The following GINS2 variants were observed in gnomAD, a reference collection of about 807,000 sequenced individuals.
The protein encoded by GINS2 is DNA replication complex GINS protein PSF2.
Under a neutral mutation model 21.2 loss-of-function variants are expected in GINS2, and 23 were observed. That is an observed-to-expected ratio of 1.08 (90% CI 0.78 to 1.53). The LOEUF is 1.53. Ranked by LOEUF, GINS2 falls within the 40% of genes most tolerant of loss-of-function variation. The probability of loss-of-function intolerance (pLI) is 0.00; values close to 1 mark genes in which losing one functional copy is unlikely to be tolerated. For synonymous variants in GINS2, 118 were observed against 85.6 expected (o/e 1.38, Z -2.09); for missense variants, 323 against 233.9 (o/e 1.38, Z -2.49).
intron 2 of GINS2, among the ~76,000 whole-genome samples, chr16:85,684,814 G>C (rs1426040155): frequency 6.6e-6 from 1 of 151,176 alleles, no homozygotes. Context: ...CTGAGATGGA[G>C]TCTCGCTGTA....
At chr16:85,683,059 G>T (rs2053747616) in intron 2 of GINS2, among the ~76,000 whole-genome samples, 1 of 151,974 alleles carries the variant, frequency 6.6e-6, no homozygotes, top group Non-Finnish European at 1.5e-5. Context: ...CCTTCCAGGT[G>T]TCCTGGACCC....
In GINS2 at chr16:85,688,818, G is replaced by A. The variant is rs1339181878; in HGVS notation, c.81C>T (p.Tyr27=). 3 of 1,535,618 alleles carry A rather than the reference G, an allele frequency of 2.0e-6. No individual in the cohort carries two copies. The highest frequency in any genetic ancestry group is 2.6e-6 in the Non-Finnish European group (3 of 1,138,256). ...CGGGCCCAGGCCTCACCCCGATGAG[G>A]TAGATCTTGTCCAGACTGAAGTTGG... ...IIPNFSLDKI[Y]LIGGDLGPFN... Residue 27 remains tyrosine (Y), a synonymous_variant, in exon 1 of 5, where the codon TAC becomes TAT. Coordinates refer to ENST00000253462, the MANE Select transcript of GINS2 (RefSeq NM_016095.3).
At chr16:85,688,737 G>C (rs1220317441) in intron 1 of GINS2, 72 bp downstream of exon 1, 1 of 877,986 alleles carries the variant, frequency 1.1e-6, no homozygotes. Flanking sequence ...CGACCCCGGG[G>C]CTGAAGGCCA....
At chr16:85,684,381 G>A (rs1221942539) in intron 2 of GINS2, among the ~76,000 whole-genome samples, 1 of 152,142 alleles carries the variant, frequency 6.6e-6, no homozygotes, top group Non-Finnish European at 1.5e-5. Context: ...TGTAGTCCCA[G>A]CTACTAGGGA....
chr16:85,679,681 C>G (rs376029933), intron 3 of GINS2, among the ~76,000 whole-genome samples: 3 of 152,200 alleles, frequency 2.0e-5, no homozygotes, highest in African/African-American at 7.2e-5. Context: ...TTGATAAAAA[C>G]TACATCCATA....
intron 2 of GINS2, among the ~76,000 whole-genome samples, chr16:85,686,275 G>A (rs531857639): frequency 6.7e-4 from 102 of 152,200 alleles, no homozygotes; most frequent in African/African-American, 1.9e-3. Flanking sequence ...AAAATTAGCC[G>A]AGCGTGGTAG....
Position 85,678,781 on chromosome 16 carries a change from G to A in GINS2, c.306-115C>T, listed in dbSNP as rs2053708378. On this transcript the variant is annotated intron_variant, in intron 3 of 4. Coordinates refer to ENST00000253462, the MANE Select transcript of GINS2 (RefSeq NM_016095.3). ...TGGCTATTCCAGACTCAGAAAGTCTGTTTTGCTTTATTTTCAACTTTAGGG... is the reference window on the plus strand; with the variant it reads ...TGGCTATTCCAGACTCAGAAAGTCTATTTTGCTTTATTTTCAACTTTAGGG... The A allele has an allele frequency of 2.1e-5, 21 of 1,021,438 alleles. No homozygotes were observed. In the South Asian group the frequency reaches 2.6e-4, roughly 13 times the overall value. The allele number at this position is 1,021,438 out of a possible 1,614,324, so 63.3% of individuals were successfully genotyped here.
At chr16:85,688,473 G>A (rs2053799066) in intron 1 of GINS2, among the ~76,000 whole-genome samples, 1 of 152,204 alleles carries the variant, frequency 6.6e-6, no homozygotes. Context: ...TTGAACCCGG[G>A]AGGCGGAGGC....
At position 85,676,607 on chromosome 16, in the gene GINS2, ATAAGTCT is replaced by A. The variant is rs1327183413; in HGVS notation, c.*1598_*1604del. The A allele has an allele frequency of 1.3e-5, 2 of 152,248 alleles. No individual in the cohort carries two copies. The highest frequency in any genetic ancestry group is 4.8e-5 in the African/African-American group (2 of 41,454). The allele number at this position is 152,248 out of a possible 1,614,324, so 9.4% of individuals were successfully genotyped here. ...GACACTGGAGGGCAGATGCTGGGTG[ATAAGTCT>A]TTAGGCTCAGCCTGTCACACATGCG... On this transcript the variant is annotated 3_prime_UTR_variant, in exon 5 of 5. Coordinates refer to ENST00000253462, the MANE Select transcript of GINS2 (RefSeq NM_016095.3).
intron 3 of GINS2, among the ~76,000 whole-genome samples, chr16:85,679,897 A>C (rs752329933): frequency 3.9e-5 from 6 of 152,078 alleles, no homozygotes; most frequent in Admixed American, 3.9e-4. Context: ...CTCTGCTCCC[A>C]TGAATGTACT....
In GINS2 at chr16:85,678,680, G is replaced by A. The variant is rs767237377; in HGVS notation, c.306-14C>T. 1 of 1,611,918 alleles carries A rather than the reference G, an allele frequency of 6.2e-7. No homozygotes were observed. The highest frequency in any genetic ancestry group is 8.5e-7 in the Non-Finnish European group (1 of 1,178,740). ...TTGTCTGAAGCACTAAAGGAGCAAGGGCTAAAGTCAGTCGGGGAACACTTG... is the reference window on the plus strand; with the variant it reads ...TTGTCTGAAGCACTAAAGGAGCAAGAGCTAAAGTCAGTCGGGGAACACTTG... On this transcript the variant is annotated splice_polypyrimidine_tract_variant and intron_variant, in intron 3 of 4. Coordinates refer to ENST00000253462, the MANE Select transcript of GINS2 (RefSeq NM_016095.3).
chr16:85,679,044 G>A (rs2053710519), intron 3 of GINS2, among the ~76,000 whole-genome samples: 1 of 152,140 alleles, frequency 6.6e-6, no homozygotes, highest in Non-Finnish European at 1.5e-5. Flanking sequence ...GAGTTCTATT[G>A]CTCCTCATTT....
At chr16:85,678,725 G>A (rs2053707896) in intron 3 of GINS2, 59 bp from the exon 4 acceptor site, 1 of 1,544,172 alleles carries the variant, frequency 6.5e-7, no homozygotes, top group Non-Finnish European at 8.8e-7. Context: ...GGCAATGCTG[G>A]ATAGAGTGGC....
rs1035289198 is a variant in GINS2, at chr16:85,677,493, T to G, written c.*719A>C. ...TTCGTTTTTTTCCTGACTCTCCTCT[T>G]GATAAGCAACCCATTAAACCTGAGC... On this transcript the variant is annotated 3_prime_UTR_variant, in exon 5 of 5. Coordinates refer to ENST00000253462, the MANE Select transcript of GINS2 (RefSeq NM_016095.3). 6.6e-6 allele frequency: 1 copy of G among 152,182 alleles called. No homozygotes were observed. Among genetic ancestry groups the G allele is most frequent in the Admixed American group, 6.5e-5 (1 of 15,280 alleles). The allele number at this position is 152,182 out of a possible 1,614,324, so 9.4% of individuals were successfully genotyped here.
chr16:85,679,308 G>A (rs2053712361), intron 3 of GINS2, among the ~76,000 whole-genome samples: 1 of 152,248 alleles, frequency 6.6e-6, no homozygotes, highest in South Asian at 2.1e-4. Context: ...CTGGCTAGAA[G>A]CTCAAAGCCA....
chr16:85,680,824 G>A (rs1228847829), intron 3 of GINS2, among the ~76,000 whole-genome samples: 1 of 152,214 alleles, frequency 6.6e-6, no homozygotes, highest in Non-Finnish European at 1.5e-5. Context: ...GTGTGAGCCT[G>A]AGCCCTCCAG....
intron 2 of GINS2, among the ~76,000 whole-genome samples, chr16:85,683,527 C>T (rs1381884711): frequency 6.6e-6 from 1 of 152,254 alleles, no homozygotes; most frequent in African/African-American, 2.4e-5. Context: ...CAGCCTCCCA[C>T]CTCAGGAGAC....
At chr16:85,685,529 G>C (rs1165972188) in intron 2 of GINS2, among the ~76,000 whole-genome samples, 2 of 151,734 alleles carry the variant, frequency 1.3e-5, no homozygotes, top group African/African-American at 4.8e-5. Context: ...AAATTAGTCA[G>C]GCATGATGGT....
chr16:85,678,598 A>G lies in GINS2; in HGVS notation c.374T>C (p.Ile125Thr). The change falls in exon 4 of 5, where the codon ATA becomes ACA. Residue 125 changes from isoleucine to threonine, a missense_variant. Ile to Thr is a moderately conservative substitution (Grantham distance 89). Transcript: ENST00000253462. ...GTCAGCAGACACTCGGAGTTTGGCTATACGAGTGTCCCACATATCCTTGAC... is the reference window on the plus strand; with the variant it reads ...GTCAGCAGACACTCGGAGTTTGGCTGTACGAGTGTCCCACATATCCTTGAC... ...TLVKDMWDTRIAKLRVSADSF... is the reference protein window; with the variant it reads ...TLVKDMWDTRTAKLRVSADSF... The G allele has an allele frequency of 6.2e-7, 1 of 1,613,822 alleles. No homozygotes were observed. The highest frequency in any genetic ancestry group is 1.3e-5 in the African/African-American group (1 of 75,036).
Sources: allele counts gnomAD v4.1 joint callset (sites outside exome capture counted in the v4.1 genomes callset), GRCh38; gene constraint gnomAD v4.1.1; transcripts MANE v1.5; gene names NCBI Gene and HGNC (gene_info 2026-07-23, HGNC 2026-07-21).